Variants in RBFOX1 observed in about 807,000 individuals in gnomAD.
RBFOX1 encodes the protein RNA binding protein fox-1 homolog 1.
A neutral mutation model predicts 57.7 loss-of-function variants in RBFOX1; 8 were observed. The observed-to-expected ratio is 0.14, with a 90% CI of 0.08 to 0.25. The LOEUF is 0.25. Ranked by LOEUF, RBFOX1 falls within the 10% of genes least tolerant of loss-of-function variation. The probability of loss-of-function intolerance (pLI) is 1.00; values close to 1 mark genes in which losing one functional copy is unlikely to be tolerated. For missense variants in RBFOX1, 611 were observed against 548.5 expected (o/e 1.11, Z -1.14); for synonymous variants, 326 against 222.4 (o/e 1.47, Z -4.15).
intron 1 of RBFOX1, among the ~76,000 whole-genome samples, chr16:6,093,106 C>G (rs1235864727): frequency 1.3e-5 from 2 of 152,110 alleles, no homozygotes; most frequent in African/African-American, 4.8e-5. Context: ...CTTCATTTTG[C>G]AAGAAAACTG....
intron 3 of RBFOX1, among the ~76,000 whole-genome samples, chr16:5,859,693 T>A (rs963639601): frequency 6.6e-6 from 1 of 152,190 alleles, no homozygotes; most frequent in African/African-American, 2.4e-5. Context: ...CTTGAACATA[T>A]TGTTTTGCTT....
chr16:5,450,714 C>T (rs1425916268), intron 1 of RBFOX1, among the ~76,000 whole-genome samples: 6 of 152,140 alleles, frequency 3.9e-5, no homozygotes, highest in African/African-American at 7.2e-5. Context: ...TGCTGGAATT[C>T]GGCTCTGATG....
In RBFOX1 at chr16:6,097,029, C is replaced by T. The variant is rs28403165; in HGVS notation, c.-127+77037C>T. ...TTCCCATGTGTTGTGTGAGGGACTT[C>T]GTGGGAGATAACTGAATCATGGGGG... On this transcript the variant is annotated intron_variant, in intron 1 of 15. Coordinates refer to ENST00000550418, the MANE Select transcript of RBFOX1 (RefSeq NM_018723.4). This position sits in a 1 kb window ranked among gnomAD's most constrained non-coding sequence, Gnocchi z 5.0. Among the ~76,000 whole-genome samples the T allele has an allele frequency of 8.5e-4, 130 of 152,158 alleles. No individual in the cohort carries two copies. The highest frequency in any genetic ancestry group is 2.8e-3 in the African/African-American group (116 of 41,520).
chr16:7,577,572 T>A (rs1363681113), intron 5 of RBFOX1, among the ~76,000 whole-genome samples: 3 of 152,222 alleles, frequency 2.0e-5, no homozygotes, highest in Non-Finnish European at 4.4e-5. Context: ...GATTTAAGGT[T>A]ACTCAGCCCT....
intron 1 of RBFOX1, among the ~76,000 whole-genome samples, chr16:6,299,826 A>T (rs1599364473): frequency 6.6e-6 from 1 of 152,134 alleles, no homozygotes; most frequent in Non-Finnish European, 1.5e-5. Flanking sequence ...CAGTTTCCTC[A>T]ATGGTAAAAA....
intron 3 of RBFOX1, among the ~76,000 whole-genome samples, chr16:6,805,306 C>A (rs762728809): frequency 4.6e-4 from 70 of 152,130 alleles, no homozygotes; most frequent in Non-Finnish European, 2.8e-4. Flanking sequence ...ACAAATATTG[C>A]ATGTTCTCAC....
chr16:6,516,500 CTT>C (rs965569487), intron 2 of RBFOX1, among the ~76,000 whole-genome samples: 1 of 152,134 alleles, frequency 6.6e-6, no homozygotes, highest in African/African-American at 2.4e-5. Context: ...TTTAAAATGT[CTT>C]TGTTTCAGAG....
intron 3 of RBFOX1, among the ~76,000 whole-genome samples, chr16:5,679,334 C>CTCT (rs1555499943): frequency 4.2e-4 from 60 of 142,120 alleles, no homozygotes; most frequent in African/African-American, 1.5e-3. Flanking sequence ...AATTCTCTCT[C>CTCT]TTTTTTTTTT....
chr16:5,908,231 T>C (rs556584620), intron 4 of RBFOX1, among the ~76,000 whole-genome samples: 3 of 131,808 alleles, frequency 2.3e-5, no homozygotes, highest in African/African-American at 7.9e-5. Context: ...TATACACACA[T>C]ATATATACAT....
At chr16:5,549,323 C>T (rs995274975) in intron 2 of RBFOX1, among the ~76,000 whole-genome samples, 1 of 152,216 alleles carries the variant, frequency 6.6e-6, no homozygotes, top group Non-Finnish European at 1.5e-5. Context: ...ACTTTGCTTT[C>T]TCTCCTGGGT....
chr16:6,784,770 G>T (rs114347962), intron 3 of RBFOX1, among the ~76,000 whole-genome samples: 2,949 of 151,998 alleles, frequency 0.019, 111 homozygotes, highest in African/African-American at 0.067. Context: ...GGGGTTGTGG[G>T]GAAGTAAATC....
intron 4 of RBFOX1, among the ~76,000 whole-genome samples, chr16:5,979,060 G>C (rs1156758608): frequency 6.6e-6 from 1 of 152,214 alleles, no homozygotes; most frequent in African/African-American, 2.4e-5. Context: ...ATGGACAATG[G>C]TTTAACTGAA....
chr16:5,564,311 C>G (rs1370131775), intron 2 of RBFOX1, among the ~76,000 whole-genome samples: 1 of 152,140 alleles, frequency 6.6e-6, no homozygotes, highest in African/African-American at 2.4e-5. Context: ...AACCACCACA[C>G]CCAATTGAGG....
At chr16:6,040,632 G>T (rs901235788) in intron 1 of RBFOX1, among the ~76,000 whole-genome samples, 1 of 151,322 alleles carries the variant, frequency 6.6e-6, no homozygotes, top group Non-Finnish European at 1.5e-5. Context: ...GTCTTACTCT[G>T]TTGCCTAGCT....
At chr16:5,543,901 A>G (rs577512632) in intron 2 of RBFOX1, among the ~76,000 whole-genome samples, 1 of 152,328 alleles carries the variant, frequency 6.6e-6, no homozygotes, top group African/African-American at 2.4e-5. Flanking sequence ...AAAAATAAAA[A>G]CACTAATGTA....
intron 3 of RBFOX1, among the ~76,000 whole-genome samples, chr16:5,666,648 C>G (rs770474838): frequency 4.6e-5 from 7 of 152,202 alleles, no homozygotes; most frequent in African/African-American, 7.2e-5. Context: ...TGGCAGTGAG[C>G]TAGGGCAGCC....
chr16:7,448,677 G>A (rs1567219039), intron 4 of RBFOX1, among the ~76,000 whole-genome samples: 1 of 152,138 alleles, frequency 6.6e-6, no homozygotes, highest in Non-Finnish European at 1.5e-5. Context: ...TTTCTCTCCT[G>A]GCTCCTGGTG....
intron 4 of RBFOX1, among the ~76,000 whole-genome samples, chr16:7,417,528 T>TTGTGTGTGTGTGTGTG (rs545621108): frequency 3.1e-4 from 21 of 68,456 alleles, no homozygotes; most frequent in African/African-American, 8.6e-4. Context: ...TCACATGGTA[T>TTGTGTGTGTGTGTGTG]TGTGTGTGTG....
chr16:6,713,141 A>G (rs1397272194), intron 3 of RBFOX1, among the ~76,000 whole-genome samples: 1 of 152,172 alleles, frequency 6.6e-6, no homozygotes, highest in Non-Finnish European at 1.5e-5. Context: ...GCAGTGTGTG[A>G]GAATGGACTA....
Sources: allele counts gnomAD v4.1 joint callset (sites outside exome capture counted in the v4.1 genomes callset), GRCh38; gene constraint gnomAD v4.1.1; non-coding constraint Gnocchi (gnomAD v3.1); transcripts MANE v1.5; gene names NCBI Gene and HGNC (gene_info 2026-07-23, HGNC 2026-07-21).